The following PTK7 variants were observed in gnomAD, a reference collection of about 807,000 sequenced individuals.
PTK7 encodes the protein protein tyrosine kinase 7 (inactive).
A neutral mutation model predicts 116.6 loss-of-function variants in PTK7; 39 were observed. That is an observed-to-expected ratio of 0.33 (90% CI 0.26 to 0.44). The LOEUF (loss-of-function observed/expected upper bound fraction) is 0.44. PTK7 is among the 20% of genes least tolerant of loss of function. The pLI, the probability that PTK7 is intolerant of heterozygous loss-of-function variation, is 1.00. For synonymous variants in PTK7, 546 were observed against 563.6 expected, an observed-to-expected ratio of 0.97 and a Z score of 0.44; for missense variants, 1,169 against 1,425.6, an observed-to-expected ratio of 0.82 and a Z score of 2.90.
chr6:43,122,491 T>C (rs1304325665), intron 1 of PTK7, among the ~76,000 whole-genome samples: 7 of 152,170 alleles, frequency 4.6e-5, no homozygotes, highest in Non-Finnish European at 1.0e-4. Context: ...AACCTCTCCC[T>C]TGGGGGTCTA....
chr6:43,134,822 C>T (rs970684695), intron 7 of PTK7, among the ~76,000 whole-genome samples: 11 of 151,494 alleles, frequency 7.3e-5, no homozygotes, highest in African/African-American at 2.7e-4. Flanking sequence ...TGGTGATGCA[C>T]ACCTATAATC....
chr6:43,143,452 A>C lies in PTK7; in HGVS notation c.2083A>C (p.Ser695Arg). The C allele has an allele frequency of 1.2e-6, 2 of 1,613,732 alleles. No individual in the cohort carries two copies. Among genetic ancestry groups the C allele is most frequent in the East Asian group, 2.2e-5 (1 of 44,820 alleles). Residue 695 changes from serine (S) to arginine (R), a missense_variant, in exon 14 of 20, where the codon AGC becomes CGC. By Grantham distance (110) the Ser-to-Arg change is moderately radical. Around this residue, in one of 3 missense-constraint regions of PTK7, gnomAD observed 678 missense variants for 853.8 expected, o/e 0.79. Transcript: ENST00000230419. The surrounding 1 kb of genome is among the most constrained non-coding windows in gnomAD (Gnocchi z 4.2). ...GCCGGAGGAGTCGGAGGGCCCTGGC[A>C]GCCCTCCCCCCTACAAGATGATCCA... Reference protein sequence around the residue: ...PVPEESEGPGSPPPYKMIQTI... With the variant: ...PVPEESEGPGRPPPYKMIQTI...
In PTK7 at chr6:43,142,240, C is replaced by T. The variant is rs1382595243; in HGVS notation, c.1988C>T (p.Thr663Ile). Residue 663 changes from threonine (T) to isoleucine (I), a missense_variant, in exon 13 of 20, where the codon ACC (threonine) becomes ATC (isoleucine). Coordinates refer to ENST00000230419, the MANE Select transcript of PTK7 (RefSeq NM_002821.5). ...DVAPEDSGRY[T>I]CIAGNSCNIK... Reference sequence around the variant, plus strand: ...GCCCCTGAGGACTCAGGCCGCTACACCTGCATTGCAGGCAACAGCTGCAAC... The same window carrying T: ...GCCCCTGAGGACTCAGGCCGCTACATCTGCATTGCAGGCAACAGCTGCAAC... The T allele has an allele frequency of 6.2e-7, 1 of 1,614,184 alleles. No homozygotes were observed. Among genetic ancestry groups the T allele is most frequent in the South Asian group, 1.1e-5 (1 of 91,086 alleles).
Position 43,160,838 on chromosome 6 carries a change from T to C in PTK7, c.3170T>C (p.Ile1057Thr), listed in dbSNP as rs761323556. Reference sequence around the variant, plus strand: ...AAGGACCGGCCCTCCTTCAGTGAGATTGCCAGCGCCCTGGGAGACAGCACC... The same window carrying C: ...AAGGACCGGCCCTCCTTCAGTGAGACTGCCAGCGCCCTGGGAGACAGCACC... Reference protein sequence around the residue: ...SPKDRPSFSEIASALGDSTVD... With the variant: ...SPKDRPSFSETASALGDSTVD... The change falls in exon 20 of 20, where the codon ATT (isoleucine) becomes ACT (threonine). Residue 1057 changes from isoleucine to threonine, a missense_variant. Physicochemically the swap from Ile to Thr is moderately conservative, Grantham distance 89. Around this residue, in one of 3 missense-constraint regions of PTK7, gnomAD observed 678 missense variants for 853.8 expected, o/e 0.79. Coordinates refer to ENST00000230419, the MANE Select transcript of PTK7 (RefSeq NM_002821.5). 1.9e-6 allele frequency: 3 copies of C among 1,614,094 alleles called. No homozygotes were observed. In the South Asian group the frequency reaches 3.3e-5, roughly 18 times the overall value.
chr6:43,083,582 C>T (rs554572983), intron 1 of PTK7, among the ~76,000 whole-genome samples: 10 of 152,320 alleles, frequency 6.6e-5, no homozygotes, highest in Non-Finnish European at 1.5e-4. Flanking sequence ...CCGTTTCCCT[C>T]CCAATAATGT....
chr6:43,137,880 C>T (rs1373339288), intron 7 of PTK7, among the ~76,000 whole-genome samples: 3 of 152,096 alleles, frequency 2.0e-5, no homozygotes, highest in Non-Finnish European at 4.4e-5. Context: ...GATCTCGGCT[C>T]ACTGCAACCT....
intron 17 of PTK7, among the ~76,000 whole-genome samples, chr6:43,149,641 C>G (rs980895259): frequency 2.0e-5 from 3 of 152,030 alleles, no homozygotes; most frequent in African/African-American, 7.2e-5. Flanking sequence ...TCCCTTGGGC[C>G]CAGGAGTGAG....
intron 17 of PTK7, among the ~76,000 whole-genome samples, chr6:43,152,990 T>G (rs887190394): frequency 6.6e-6 from 1 of 151,872 alleles, no homozygotes; most frequent in Non-Finnish European, 1.5e-5. Flanking sequence ...TTCACCACAT[T>G]GGCCAGGCTG....
chr6:43,134,897 C>G, intron 7 of PTK7, among the ~76,000 whole-genome samples: 1 of 151,850 alleles, frequency 6.6e-6, no homozygotes, highest in Non-Finnish European at 1.5e-5. Context: ...TTCCAGTGAG[C>G]TATGATCACA....
chr6:43,143,915 G>A lies in PTK7; in HGVS notation c.2251+295G>A, dbSNP rs566879437. The stretch of plus-strand genomic sequence containing the variant: ...AGATATCATTAGTATATGTACACAC[G>A]TTGCTGTTGCATGTCTTGTCTCCCT... On this transcript the variant is annotated intron_variant, in intron 14 of 19. Transcript: ENST00000230419. The surrounding 1 kb of genome is among the most constrained non-coding windows in gnomAD (Gnocchi z 4.2). Among the ~76,000 whole-genome samples, 1 of 152,296 alleles carries A rather than the reference G, an allele frequency of 6.6e-6. No individual in the cohort carries two copies. Among genetic ancestry groups the A allele is most frequent in the East Asian group, 1.9e-4 (1 of 5,178 alleles).
At chr6:43,144,661 C>T in intron 15 of PTK7, 55 bp downstream of exon 15, 1 of 1,558,930 alleles carries the variant, frequency 6.4e-7, no homozygotes, top group Non-Finnish European at 8.7e-7. Flanking sequence ...CCCGCTGTGT[C>T]TTGAGGCTGG....
chr6:43,085,925 C>T (rs898882551), intron 1 of PTK7, among the ~76,000 whole-genome samples: 4 of 141,516 alleles, frequency 2.8e-5, no homozygotes, highest in African/African-American at 1.1e-4. Context: ...AAGAGCGAAA[C>T]TCTGTCTCAA....
At chr6:43,152,783 T>C (rs574080419) in intron 17 of PTK7, among the ~76,000 whole-genome samples, 131 of 144,006 alleles carry the variant, frequency 9.1e-4, no homozygotes, top group African/African-American at 3.4e-3. Context: ...TGTTATGTTA[T>C]GTTATGTTAT....
intron 7 of PTK7, among the ~76,000 whole-genome samples, chr6:43,137,472 G>A (rs1770107786): frequency 6.6e-6 from 1 of 152,170 alleles, no homozygotes; most frequent in Non-Finnish European, 1.5e-5. Flanking sequence ...AAATGAGTGA[G>A]CAGGTTTTGG....
At chr6:43,080,097 A>AATCCC (rs1766291215) in intron 1 of PTK7, among the ~76,000 whole-genome samples, 1 of 150,824 alleles carries the variant, frequency 6.6e-6, no homozygotes, top group South Asian at 2.1e-4. Flanking sequence ...TCACGCCTGT[A>AATCCC]ATCCCAGCAC....
chr6:43,112,503 T>C (rs181036671), intron 1 of PTK7, among the ~76,000 whole-genome samples: 1 of 151,682 alleles, frequency 6.6e-6, no homozygotes, highest in East Asian at 1.9e-4. Context: ...TCTATCTGTC[T>C]CTCTCTCTCT....
intron 1 of PTK7, among the ~76,000 whole-genome samples, chr6:43,083,811 A>G (rs563695500): frequency 2.4e-4 from 37 of 152,342 alleles, no homozygotes; most frequent in Non-Finnish European, 4.4e-4. Context: ...AAGCCTTGAT[A>G]AGCGGGATAT....
intron 1 of PTK7, among the ~76,000 whole-genome samples, chr6:43,125,101 A>G (rs1002752742): frequency 1.6e-4 from 24 of 151,984 alleles, no homozygotes; most frequent in African/African-American, 5.6e-4. Flanking sequence ...GATCCCGGGA[A>G]GCGGAGGTTG....
At chr6:43,084,901 A>C (rs1253158902) in intron 1 of PTK7, among the ~76,000 whole-genome samples, 3 of 152,186 alleles carry the variant, frequency 2.0e-5, no homozygotes, top group Non-Finnish European at 2.9e-5. Flanking sequence ...AGAATGATGT[A>C]AAGTCATCGG....
Sources: allele counts gnomAD v4.1 joint callset (sites outside exome capture counted in the v4.1 genomes callset), GRCh38; gene constraint gnomAD v4.1.1; regional missense constraint gnomAD v4.1.1; non-coding constraint Gnocchi (gnomAD v3.1); transcripts MANE v1.5; gene names NCBI Gene and HGNC (gene_info 2026-07-23, HGNC 2026-07-21).